Variants in SLC35D1 observed in about 807,000 individuals in gnomAD.
SLC35D1 encodes nucleotide sugar transporter SLC35D1.
Under a neutral mutation model 46.7 loss-of-function variants are expected in SLC35D1, and 31 were observed. The observed-to-expected ratio is 0.66, with a 90% CI of 0.50 to 0.90. The LOEUF is 0.90. SLC35D1 is among the 40% of genes least tolerant of loss of function. The pLI is 0.00. For missense variants in SLC35D1, 397 were observed against 426.2 expected (o/e 0.93, Z 0.60); for synonymous variants, 195 against 164.6 (o/e 1.18, Z -1.41).
chr1:66,988,273 G>A, the SLC35D1 span: 4 of 152,240 alleles, frequency 2.6e-5, no homozygotes, highest in Non-Finnish European at 5.9e-5. Flanking sequence ...CTCTCAAAAT[G>A]ACTTTTTCTG....
At chr1:66,980,806 T>A in the SLC35D1 span, among the ~76,000 whole-genome samples, 1 of 151,908 alleles carries the variant, frequency 6.6e-6, no homozygotes, top group African/African-American at 2.4e-5. Flanking sequence ...GTATCTAGTA[T>A]CAGCAAACTT....
Position 67,053,804 on chromosome 1 carries a change from G to A in SLC35D1, c.203+7C>T, listed in dbSNP as rs1479897519. The stretch of plus-strand genomic sequence containing the variant: ...CGCGGCCTGGGCCGCCGCCGCCTCG[G>A]CCCTACCTGTAATTGGTGAGCACGC... On this transcript the variant is annotated splice_region_variant and intron_variant, in intron 1 of 11. Coordinates refer to ENST00000235345, the MANE Select transcript of SLC35D1 (RefSeq NM_015139.3). The A allele has an allele frequency of 6.3e-7, 1 of 1,598,888 alleles. No individual in the cohort carries two copies. Among genetic ancestry groups the A allele is most frequent in the East Asian group, 2.3e-5 (1 of 43,186 alleles).
chr1:67,004,525 T>C (rs1279420887), intron 11 of SLC35D1, 77 bp from the exon 12 acceptor site: 2 of 1,271,068 alleles, frequency 1.6e-6, no homozygotes, highest in Non-Finnish European at 2.3e-6. Flanking sequence ...GTAAAAAAAC[T>C]TACACCAAAA....
chr1:67,019,899 T>C (rs1047816185), intron 10 of SLC35D1, among the ~76,000 whole-genome samples: 3 of 152,138 alleles, frequency 2.0e-5, no homozygotes, highest in Non-Finnish European at 2.9e-5. Context: ...AATGAGATCA[T>C]TGGAAATGTC....
At chr1:67,024,098 C>A (rs1667868622) in intron 8 of SLC35D1, among the ~76,000 whole-genome samples, 1 of 151,888 alleles carries the variant, frequency 6.6e-6, no homozygotes. Flanking sequence ...GTGCATGCCA[C>A]CACACCCAGC....
intron 10 of SLC35D1, among the ~76,000 whole-genome samples, chr1:67,009,753 G>A (rs1667524790): frequency 6.6e-6 from 1 of 152,166 alleles, no homozygotes; most frequent in Non-Finnish European, 1.5e-5. Context: ...ATTTAGTTCA[G>A]CCACTGTGGA....
intron 7 of SLC35D1, among the ~76,000 whole-genome samples, chr1:67,042,886 A>G (rs2102348050): frequency 6.6e-6 from 1 of 152,218 alleles, no homozygotes; most frequent in African/African-American, 2.4e-5. Flanking sequence ...CAACATGGTG[A>G]AACACTGTCT....
chr1:66,977,220 C>G, the SLC35D1 span, among the ~76,000 whole-genome samples: 2 of 152,028 alleles, frequency 1.3e-5, no homozygotes, highest in African/African-American at 4.8e-5. Context: ...AGCGATTGTC[C>G]TGCCTCAGCC....
intron 10 of SLC35D1, among the ~76,000 whole-genome samples, chr1:67,011,432 A>G (rs752857661): frequency 3.9e-5 from 6 of 152,106 alleles, no homozygotes; most frequent in Non-Finnish European, 8.8e-5. Flanking sequence ...CTCCCTGTGG[A>G]ATCTGGTCAA....
chr1:66,983,653 G>T, the SLC35D1 span, among the ~76,000 whole-genome samples: 1 of 152,128 alleles, frequency 6.6e-6, no homozygotes, highest in African/African-American at 2.4e-5. Context: ...TCAAGTATAT[G>T]CTTGGATAGT....
chr1:67,012,774 G>A (rs1008588267), intron 10 of SLC35D1, among the ~76,000 whole-genome samples: 1 of 152,114 alleles, frequency 6.6e-6, no homozygotes, highest in African/African-American at 2.4e-5. Flanking sequence ...AAAGGCTGCT[G>A]TACCTTATGG....
chr1:66,974,400 G>T, the SLC35D1 span, among the ~76,000 whole-genome samples: 1 of 151,868 alleles, frequency 6.6e-6, no homozygotes, highest in South Asian at 2.1e-4. Context: ...TTTCATGGTT[G>T]AAAGGGACAA....
chr1:67,039,493 TTGTGTGTGTGTG>T (rs71801070), intron 8 of SLC35D1, among the ~76,000 whole-genome samples: 1 of 148,666 alleles, frequency 6.7e-6, no homozygotes, highest in Non-Finnish European at 1.5e-5. Context: ...AGTGAAAAAA[TTGTGTGTGTGTG>T]TGTGTGTGTG....
At chr1:67,040,727 T>G (rs990326592) in intron 8 of SLC35D1, among the ~76,000 whole-genome samples, 1 of 152,216 alleles carries the variant, frequency 6.6e-6, no homozygotes, top group Non-Finnish European at 1.5e-5. Context: ...CTGCTCTTCC[T>G]TGACCTAGAT....
In SLC35D1 at chr1:67,001,351, A is replaced by T. The variant is rs185535913; in HGVS notation, c.*2989T>A. Reference sequence around the variant, plus strand: ...AACTAGGTGCAAACTGGAGCCTACAAATGATTGACTCATAAAGTCCACAGC... The same window carrying T: ...AACTAGGTGCAAACTGGAGCCTACATATGATTGACTCATAAAGTCCACAGC... On this transcript the variant is annotated 3_prime_UTR_variant, in exon 12 of 12. Transcript: ENST00000235345. The T allele has an allele frequency of 4.6e-4, 70 of 152,454 alleles. No homozygotes were observed. Among genetic ancestry groups the T allele is most frequent in the African/African-American group, 1.6e-3 (65 of 41,568 alleles). The allele number at this position is 152,454 out of a possible 1,614,324, so 9.4% of individuals were successfully genotyped here.
At chr1:66,991,779 T>C in the SLC35D1 span, among the ~76,000 whole-genome samples, 2 of 148,822 alleles carry the variant, frequency 1.3e-5, no homozygotes, top group African/African-American at 5.2e-5. Context: ...ATCCTCCCAA[T>C]CAAAATATTT....
At chr1:67,018,729 G>T (rs1424423382) in intron 10 of SLC35D1, among the ~76,000 whole-genome samples, 1 of 152,186 alleles carries the variant, frequency 6.6e-6, no homozygotes, top group Non-Finnish European at 1.5e-5. Context: ...ATTTGCAGGG[G>T]ATTCTCAAGC....
chr1:66,997,519 A>AATATATATATATATATATATATATAT (rs35571347), downstream of SLC35D1, among the ~76,000 whole-genome samples: 9 of 74,022 alleles, frequency 1.2e-4, no homozygotes, highest in African/African-American at 4.5e-4. Context: ...AAAAAAAAAA[A>AATATATATATATATATATATATATAT]ATATATATAT....
the SLC35D1 span, among the ~76,000 whole-genome samples, chr1:66,974,955 A>G: frequency 6.6e-6 from 1 of 152,182 alleles, no homozygotes; most frequent in Non-Finnish European, 1.5e-5. Flanking sequence ...CTTAGTTCGA[A>G]TCTATCTAGA....
Sources: allele counts gnomAD v4.1 joint callset (sites outside exome capture counted in the v4.1 genomes callset), GRCh38; gene constraint gnomAD v4.1.1; transcripts MANE v1.5; gene names NCBI Gene and HGNC (gene_info 2026-07-23, HGNC 2026-07-21).